Variants in PTPN2 observed in about 807,000 individuals in gnomAD.
PTPN2 encodes the protein protein tyrosine phosphatase non-receptor type 2.
PTPN2 carries 19 observed loss-of-function variants against 57.3 expected under a neutral mutation model. The observed-to-expected ratio is 0.33, with a 90% CI of 0.23 to 0.49. PTPN2 has a LOEUF of 0.49. PTPN2 is among the 20% of genes least tolerant of loss of function. The pLI, the probability that PTPN2 is intolerant of heterozygous loss-of-function variation, is 0.99. For synonymous variants in PTPN2, 153 were observed against 164.9 expected (o/e 0.93, Z 0.55); for missense variants, 358 against 501.1 (o/e 0.71, Z 2.73).
In PTPN2 at chr18:12,865,464, G is replaced by A. The variant is rs575430240; in HGVS notation, c.70-6210C>T. ...AAAAAAAAAAAAAAAAGAGAGAGGC[G>A]GGGCACAGTGGCTCATGCCTGTAAT... On this transcript the variant is annotated intron_variant, in intron 1 of 8. Transcript: ENST00000309660. Among the ~76,000 whole-genome samples, 14 of 151,444 alleles carry A rather than the reference G, an allele frequency of 9.2e-5. No homozygotes were observed. In the South Asian group the frequency reaches 1.9e-3, roughly 20 times the overall value.
chr18:12,822,827 G>A (rs2042316535), intron 5 of PTPN2, among the ~76,000 whole-genome samples: 2 of 149,834 alleles, frequency 1.3e-5, no homozygotes, highest in Admixed American at 1.3e-4. Flanking sequence ...ATTCATTACT[G>A]TTACAAAAAG....
intron 7 of PTPN2, among the ~76,000 whole-genome samples, chr18:12,803,268 C>A (rs917451983): frequency 6.6e-6 from 1 of 151,810 alleles, no homozygotes. Context: ...TAAATCAAAG[C>A]TTATCACTAT....
In PTPN2 at chr18:12,817,439, T is replaced by TA. The variant is rs2042115897; in HGVS notation, c.496-75_496-74insT. 3.5e-6 allele frequency: 4 copies of TA among 1,141,652 alleles called. 1 individual carries two copies. The highest frequency in any genetic ancestry group is 2.1e-5 in the Admixed American group (1 of 46,668). The allele number at this position is 1,141,652 out of a possible 1,614,324, so 70.7% of individuals were successfully genotyped here. ...AAAAAACTACTTCAGAAAGATCATG[T>TA]GTTTTATATAATTCTTTAAAGCCAT... On this transcript the variant is annotated intron_variant, in intron 5 of 8. Transcript: ENST00000309660.
chr18:12,879,293 C>T (rs9965585), intron 1 of PTPN2, among the ~76,000 whole-genome samples: 59 of 152,238 alleles, frequency 3.9e-4, no homozygotes, highest in African/African-American at 1.3e-3. Flanking sequence ...GATGAGCCAC[C>T]GCCTGGCCAG....
At chr18:12,797,163 T>G (rs1456132273) in intron 8 of PTPN2, among the ~76,000 whole-genome samples, 1 of 152,186 alleles carries the variant, frequency 6.6e-6, no homozygotes, top group African/African-American at 2.4e-5. Context: ...GCAAAATATG[T>G]ATAAAAACAG....
At chr18:12,850,084 T>C (rs1036301956) in intron 2 of PTPN2, among the ~76,000 whole-genome samples, 1 of 152,190 alleles carries the variant, frequency 6.6e-6, no homozygotes, top group Non-Finnish European at 1.5e-5. Flanking sequence ...GTGCTGTAAC[T>C]GTGATTTCTA....
intron 8 of PTPN2, among the ~76,000 whole-genome samples, chr18:12,796,925 G>A (rs2041211318): frequency 6.6e-6 from 1 of 152,148 alleles, no homozygotes; most frequent in Admixed American, 6.5e-5. Flanking sequence ...TCTGCAACTT[G>A]AGGACAGACT....
At chr18:12,864,015 T>G (rs1333274920) in intron 1 of PTPN2, 2 of 152,188 alleles carry the variant, frequency 1.3e-5, no homozygotes, top group Non-Finnish European at 2.9e-5. Flanking sequence ...AAGAAAAGAC[T>G]GGTTGAATAA....
At chr18:12,870,458 T>TAGAGAGAGAGAGAG (rs1196570644) in intron 1 of PTPN2, among the ~76,000 whole-genome samples, 4 of 30,284 alleles carry the variant, frequency 1.3e-4, no homozygotes, top group Admixed American at 1.1e-3. Context: ...TATATATATA[T>TAGAGAGAGAGAGAG]ATATAGAGAG....
intron 3 of PTPN2, among the ~76,000 whole-genome samples, chr18:12,836,229 A>G (rs1201652186): frequency 1.3e-5 from 2 of 152,252 alleles, no homozygotes; most frequent in Non-Finnish European, 2.9e-5. Context: ...TGGAAGGAAG[A>G]ATCATGCTTG....
At chr18:12,864,473 G>A (rs921462575) in intron 1 of PTPN2, among the ~76,000 whole-genome samples, 9 of 151,596 alleles carry the variant, frequency 5.9e-5, no homozygotes, top group African/African-American at 2.2e-4. Flanking sequence ...TCGGCTCACT[G>A]CAACCTCAGC....
In PTPN2 at chr18:12,793,001, C is replaced by A; in HGVS notation, c.*1277G>T. ...GAGATGCTGTGGTTGAAAGTAACCTCTTGACCCACCTGGACATCCAATGAG... is the reference window on the plus strand; with the variant it reads ...GAGATGCTGTGGTTGAAAGTAACCTATTGACCCACCTGGACATCCAATGAG... On this transcript the variant is annotated 3_prime_UTR_variant, in exon 9 of 9. Transcript: ENST00000309660. 3 of 985,144 alleles carry A rather than the reference C, an allele frequency of 3.0e-6. No individual in the cohort carries two copies. Among genetic ancestry groups the A allele is most frequent in the Non-Finnish European group, 3.6e-6 (3 of 829,640 alleles). The allele number at this position is 985,144 out of a possible 1,614,324, so 61.0% of individuals were successfully genotyped here. A position where few individuals can be genotyped will look rare whatever the true frequency, so the allele number is the denominator to read the frequency against.
chr18:12,870,297 ATG>A (rs1339184503), intron 1 of PTPN2, among the ~76,000 whole-genome samples: 1 of 67,832 alleles, frequency 1.5e-5, no homozygotes, highest in African/African-American at 8.9e-5. Flanking sequence ...ATACATATAT[ATG>A]TGTATATATA....
At position 12,874,573 on chromosome 18, in the gene PTPN2, C is replaced by T. The variant is rs539361638; in HGVS notation, c.69+9500G>A. ...TCCCCGCCCGGCCAGCCGCCCCGTC[C>T]GGGAGGGAGGTGGGGGGTTCAGCCC... is the stretch of plus-strand genomic sequence containing the variant. On this transcript the variant is annotated intron_variant, in intron 1 of 8. Transcript: ENST00000309660. 7.8e-3 allele frequency among the ~76,000 whole-genome samples: 935 copies of T among 120,418 alleles called. 31 individuals carry two copies. The highest frequency in any genetic ancestry group is 0.029 in the African/African-American group (891 of 30,334). 79.0% of individuals were successfully genotyped at this position (120,418 alleles called of 152,430 possible). A position where few individuals can be genotyped will look rare whatever the true frequency, so the allele number is the denominator to read the frequency against.
intron 8 of PTPN2, among the ~76,000 whole-genome samples, chr18:12,796,156 A>C (rs1460313017): frequency 2.6e-5 from 4 of 152,200 alleles, no homozygotes; most frequent in African/African-American, 9.6e-5. Flanking sequence ...CAAGCAAGGA[A>C]GAAAAAGGCA....
chr18:12,804,518 G>GA (rs796398549), intron 7 of PTPN2, among the ~76,000 whole-genome samples: 111 of 139,210 alleles, frequency 8.0e-4, no homozygotes, highest in African/African-American at 2.7e-3. Context: ...AGCAGACTAA[G>GA]AAAAAAAAAA....
intron 9 of PTPN2, chr18:12,786,689 A>G (rs1479483706): frequency 6.6e-6 from 1 of 152,208 alleles, no homozygotes; most frequent in East Asian, 1.9e-4. Flanking sequence ...GTATCTTCAC[A>G]TATATATTAA....
chr18:12,855,057 AG>A (rs1395081572), intron 2 of PTPN2, among the ~76,000 whole-genome samples: 2 of 152,206 alleles, frequency 1.3e-5, no homozygotes, highest in Admixed American at 6.5e-5. Context: ...AGGCTGAAGC[AG>A]GAGAATAATG....
At chr18:12,867,628 T>TTG (rs2044038947) in intron 1 of PTPN2, among the ~76,000 whole-genome samples, 1 of 152,010 alleles carries the variant, frequency 6.6e-6, no homozygotes. Context: ...TAATAGAGTT[T>TTG]CGCTTCAGTC....
Sources: gnomAD v4.1 joint callset for allele counts (sites outside exome capture counted in the v4.1 genomes callset) on GRCh38, gnomAD v4.1.1 for gene constraint, MANE v1.5 for transcripts, NCBI Gene and HGNC (gene_info 2026-07-23, HGNC 2026-07-21) for gene names.